The following PTK2B variants were observed in gnomAD, a reference collection of about 807,000 sequenced individuals.
PTK2B encodes protein-tyrosine kinase 2-beta.
In PTK2B, 71 loss-of-function variants were observed where a neutral mutation model predicts 142.9. The ratio of observed to expected loss-of-function variants is 0.50; its 90% CI spans 0.41 to 0.61. The LOEUF is 0.61. Among genes scored for constraint, PTK2B ranks in the 20% least tolerant of loss-of-function variants. The probability of loss-of-function intolerance (pLI) is 0.00; values close to 1 mark genes in which losing one functional copy is unlikely to be tolerated. For synonymous variants in PTK2B, 519 were observed against 503.4 expected (o/e 1.03, Z -0.42); for missense variants, 1,105 against 1,320.4 (o/e 0.84, Z 2.53).
At chr8:27,364,164 G>A (rs1404945065) in intron 1 of PTK2B, among the ~76,000 whole-genome samples, 1 of 152,214 alleles carries the variant, frequency 6.6e-6, no homozygotes, top group Non-Finnish European at 1.5e-5. Context: ...AAGGGATAGA[G>A]CTGTGGCTTG....
At chr8:27,430,235 C>G (rs976910607) in intron 6 of PTK2B, 80 bp downstream of exon 6, 61 of 1,577,200 alleles carry the variant, frequency 3.9e-5, no homozygotes, top group Admixed American at 2.0e-4. Context: ...TCCTCCACCC[C>G]TCCCCAGACC....
chr8:27,454,143 C>A lies in PTK2B; in HGVS notation c.2596-11C>A. The A allele has an allele frequency of 6.2e-7, 1 of 1,613,992 alleles. No homozygotes were observed. The highest frequency in any genetic ancestry group is 1.1e-5 in the South Asian group (1 of 91,062). ...TCCCCAACTCACTGGCCACCTGCGTCTTCCCCTCAGTCCATCCAGCCCACA... is the reference window on the plus strand; with the variant it reads ...TCCCCAACTCACTGGCCACCTGCGTATTCCCCTCAGTCCATCCAGCCCACA... On this transcript the variant is annotated splice_polypyrimidine_tract_variant and intron_variant, in intron 28 of 30. Coordinates refer to ENST00000346049, the MANE Select transcript of PTK2B (RefSeq NM_173176.3).
chr8:27,336,534 T>TA (rs200127427), intron 1 of PTK2B, among the ~76,000 whole-genome samples: 15 of 151,566 alleles, frequency 9.9e-5, no homozygotes, highest in African/African-American at 2.2e-4. Flanking sequence ...GGAGGGCTGC[T>TA]AAAAAAAAAT....
chr8:27,372,230 A>G (rs1377556889), intron 1 of PTK2B, among the ~76,000 whole-genome samples: 1 of 152,202 alleles, frequency 6.6e-6, no homozygotes, highest in Non-Finnish European at 1.5e-5. Context: ...GGAGTGTATT[A>G]GTCCAAGTTC....
intron 1 of PTK2B, among the ~76,000 whole-genome samples, chr8:27,379,595 T>C (rs961804209): frequency 1.3e-5 from 2 of 152,226 alleles, no homozygotes; most frequent in African/African-American, 4.8e-5. Flanking sequence ...TAGGAGCACA[T>C]TTCCATAGAT....
intron 24 of PTK2B, among the ~76,000 whole-genome samples, chr8:27,448,594 A>G (rs1811619598): frequency 8.4e-6 from 1 of 119,356 alleles, no homozygotes; most frequent in Non-Finnish European, 1.7e-5. Flanking sequence ...GTCAACACTT[A>G]TAAACTTACA....
Position 27,336,069 on chromosome 8 carries a change from G to A in PTK2B, c.-38+10388G>A, listed in dbSNP as rs186133182. Among the ~76,000 whole-genome samples, 237 of 152,226 alleles carry A rather than the reference G, an allele frequency of 1.6e-3. 1 individual carries two copies. Among genetic ancestry groups the A allele is most frequent in the African/African-American group, 5.5e-3 (227 of 41,520 alleles). ...CATGGGAGCTGGAGAATGGCTGTAG[G>A]TGCAAATGGACTTGGAAAAGAACAA... On this transcript the variant is annotated intron_variant, in intron 1 of 30. Coordinates refer to ENST00000346049, the MANE Select transcript of PTK2B (RefSeq NM_173176.3).
In PTK2B at chr8:27,354,857, A is replaced by G. The variant is rs922909971; in HGVS notation, c.-38+29176A>G. On this transcript the variant is annotated intron_variant, in intron 1 of 30. Transcript: ENST00000346049. Reference sequence around the variant, plus strand: ...TCTGTCTCTCCTGGGCTGGAACCCAATGTCAATATTAGGGATGGTCTTCCG... The same window carrying G: ...TCTGTCTCTCCTGGGCTGGAACCCAGTGTCAATATTAGGGATGGTCTTCCG... Among the ~76,000 whole-genome samples the G allele has an allele frequency of 2.2e-4, 34 of 152,240 alleles. 1 individual carries two copies. Among genetic ancestry groups the G allele is most frequent in the African/African-American group, 8.2e-4 (34 of 41,546 alleles).
chr8:27,409,118 C>T (rs1808899510), intron 2 of PTK2B, among the ~76,000 whole-genome samples: 1 of 152,118 alleles, frequency 6.6e-6, no homozygotes. Context: ...TAGATGACAG[C>T]CCACCCGAAT....
intron 1 of PTK2B, among the ~76,000 whole-genome samples, chr8:27,388,991 G>A (rs1300517328): frequency 6.6e-6 from 1 of 152,182 alleles, no homozygotes; most frequent in Non-Finnish European, 1.5e-5. Context: ...AGCATGTCAT[G>A]GGGTTTCCTG....
chr8:27,424,662 T>C (rs1809966569), intron 5 of PTK2B, among the ~76,000 whole-genome samples: 1 of 152,314 alleles, frequency 6.6e-6, no homozygotes, highest in Admixed American at 6.5e-5. Flanking sequence ...TGATGAGCCA[T>C]TTTAAAGTCA....
intron 1 of PTK2B, among the ~76,000 whole-genome samples, chr8:27,340,095 C>T (rs866992253): frequency 6.6e-6 from 1 of 152,196 alleles, no homozygotes; most frequent in African/African-American, 2.4e-5. Flanking sequence ...AATCTAAAGC[C>T]CAGCTCCACA....
Position 27,311,710 on chromosome 8 carries a change from G to T in PTK2B, c.-581+1G>T, listed in dbSNP as rs1015135538. On this transcript the variant is annotated splice_donor_variant, in intron 1 of 35. Transcript: ENST00000397501. LOFTEE classifies it low-confidence loss of function (5UTR_SPLICE). ...AGTAGTGGCTGGGTCTTAAAGCACC[G>T]TGAGTGCAATCACCACTTAAGTTTG... 1.2e-5 allele frequency: 2 copies of T among 164,884 alleles called. No homozygotes were observed. Among genetic ancestry groups the T allele is most frequent in the Non-Finnish European group, 2.6e-5 (2 of 76,896 alleles). The allele number at this position is 164,884 out of a possible 1,614,324, so 10.2% of individuals were successfully genotyped here. A position where few individuals can be genotyped will look rare whatever the true frequency, so the allele number is the denominator to read the frequency against.
chr8:27,334,745 C>A (rs953697346), intron 1 of PTK2B, among the ~76,000 whole-genome samples: 4 of 152,154 alleles, frequency 2.6e-5, no homozygotes, highest in African/African-American at 9.7e-5. Context: ...TCATTCCCCG[C>A]AGTGGGTGTC....
chr8:27,310,975 G>A (rs1054028140), upstream of PTK2B: 1 of 1,612,148 alleles, frequency 6.2e-7, no homozygotes, highest in Non-Finnish European at 8.5e-7. Context: ...GCGCGCCCTC[G>A]GCCTCCTCGC....
chr8:27,457,503 CATAG>C (rs2132589519), intron 30 of PTK2B, among the ~76,000 whole-genome samples: 1 of 152,262 alleles, frequency 6.6e-6, no homozygotes, highest in African/African-American at 2.4e-5. Context: ...CCATAGCTGC[CATAG>C]ATAATGATTT....
intron 1 of PTK2B, among the ~76,000 whole-genome samples, chr8:27,395,526 C>T (rs1398460936): frequency 6.6e-6 from 1 of 152,186 alleles, no homozygotes; most frequent in Non-Finnish European, 1.5e-5. Flanking sequence ...CCTGTGTCCC[C>T]TGGGCCCTGC....
intron 17 of PTK2B, 48 bp downstream of exon 17, chr8:27,437,544 C>A: frequency 6.9e-7 from 1 of 1,443,408 alleles, no homozygotes; most frequent in Non-Finnish European, 9.6e-7. Context: ...GCATGGGGGG[C>A]ATTCAGAGCA....
intron 21 of PTK2B, among the ~76,000 whole-genome samples, chr8:27,442,665 C>T (rs1055676052): frequency 1.3e-5 from 2 of 152,176 alleles, no homozygotes; most frequent in African/African-American, 4.8e-5. Flanking sequence ...TTCCTGTGAT[C>T]CTCCCAACCT....
Sources: allele counts gnomAD v4.1 joint callset (sites outside exome capture counted in the v4.1 genomes callset), GRCh38; gene constraint gnomAD v4.1.1; transcripts MANE v1.5; gene names NCBI Gene and HGNC (gene_info 2026-07-23, HGNC 2026-07-21).